The following NDRG1 variants were observed in gnomAD, a reference collection of about 807,000 sequenced individuals.
NDRG1 encodes N-myc downstream regulated 1.
NDRG1 carries 32 observed loss-of-function variants against 56.9 expected under a neutral mutation model. That is an observed-to-expected ratio of 0.56 (90% CI 0.42 to 0.76). The LOEUF (loss-of-function observed/expected upper bound fraction) is 0.76. Among genes scored for constraint, NDRG1 ranks in the 30% least tolerant of loss-of-function variants. The probability of loss-of-function intolerance (pLI) is 0.00; values close to 1 mark genes in which losing one functional copy is unlikely to be tolerated. For missense variants in NDRG1, 507 were observed against 545.7 expected, an observed-to-expected ratio of 0.93 and a Z score of 0.71; for synonymous variants, 211 against 204.1, an observed-to-expected ratio of 1.03 and a Z score of -0.29.
chr8:133,258,487 C>A, intron 6 of NDRG1, 61 bp from the exon 7 acceptor site: 1 of 1,546,550 alleles, frequency 6.5e-7, no homozygotes, highest in Non-Finnish European at 8.8e-7. Flanking sequence ...CCTCCAAGGA[C>A]CCACTTAGAA....
At chr8:133,272,571 G>A (rs1209219356) in intron 3 of NDRG1, among the ~76,000 whole-genome samples, 1 of 152,214 alleles carries the variant, frequency 6.6e-6, no homozygotes, top group Non-Finnish European at 1.5e-5. Flanking sequence ...AGGTCAGCCT[G>A]GCAGAGCCTG....
chr8:133,250,355 C>A lies in NDRG1; in HGVS notation c.698+85G>T, dbSNP rs1000847900. 2.5e-6 allele frequency: 3 copies of A among 1,217,786 alleles called. No homozygotes were observed. The Admixed American group carries it at 5.0e-5, about 20-fold the overall frequency. 75.4% of individuals were successfully genotyped at this position (1,217,786 alleles called of 1,614,324 possible). A position where few individuals can be genotyped will look rare whatever the true frequency, so the allele number is the denominator to read the frequency against. On this transcript the variant is annotated intron_variant, in intron 10 of 15. Coordinates refer to ENST00000323851, the MANE Select transcript of NDRG1 (RefSeq NM_006096.4). ...GCCTGCCTCTTCCGCTCATTTTATA[C>A]TCTCCCTCTCATCTGTCCCACATTT...
intron 5 of NDRG1, chr8:133,259,435 T>G: frequency 1.6e-6 from 1 of 614,718 alleles, no homozygotes; most frequent in East Asian, 2.8e-5. Flanking sequence ...CCAGGTCCCA[T>G]GGACACATTC....
intron 1 of NDRG1, among the ~76,000 whole-genome samples, chr8:133,295,978 G>T (rs1215693439): frequency 6.6e-6 from 1 of 152,108 alleles, no homozygotes; most frequent in South Asian, 2.1e-4. Context: ...GAGGCGTGCT[G>T]TTCAGGACCC....
chr8:133,250,335 C>T, intron 10 of NDRG1, 105 bp downstream of exon 10: 2 of 1,061,670 alleles, frequency 1.9e-6, no homozygotes, highest in Middle Eastern at 2.0e-4. Flanking sequence ...TCAGAGCCTG[C>T]CTCTTCCGCT....
chr8:133,297,023 A>G (rs922749388), intron 1 of NDRG1, 111 bp downstream of exon 1: 22 of 155,892 alleles, frequency 1.4e-4, no homozygotes, highest in Admixed American at 1.4e-3. Flanking sequence ...CGGGGCGCTT[A>G]CTCCTGGAGT....
chr8:133,278,805 G>A (rs918687929), intron 3 of NDRG1, among the ~76,000 whole-genome samples: 2 of 152,010 alleles, frequency 1.3e-5, no homozygotes, highest in African/African-American at 4.8e-5. Flanking sequence ...TGGAAGAGGT[G>A]AGGCCCAGAG....
intron 1 of NDRG1, among the ~76,000 whole-genome samples, chr8:133,290,347 C>G (rs1858363063): frequency 6.6e-6 from 1 of 152,142 alleles, no homozygotes; most frequent in African/African-American, 2.4e-5. Flanking sequence ...GCACCAGGAA[C>G]AGTATCTGTG....
chr8:133,280,389 T>C (rs941959183), intron 2 of NDRG1, 122 bp from the exon 3 acceptor site: 1 of 850,394 alleles, frequency 1.2e-6, no homozygotes, highest in Non-Finnish European at 1.9e-6. Flanking sequence ...TTGTGGGGTC[T>C]CCTTAATTCC....
At chr8:133,285,908 T>C (rs1425994449) in intron 1 of NDRG1, among the ~76,000 whole-genome samples, 1 of 152,232 alleles carries the variant, frequency 6.6e-6, no homozygotes, top group East Asian at 1.9e-4. Context: ...GACCCTGGCC[T>C]GTGGGACACC....
intron 3 of NDRG1, among the ~76,000 whole-genome samples, chr8:133,266,737 C>G (rs3779932): frequency 0.31 from 47,580 of 152,084 alleles, 8,764 homozygotes; most frequent in South Asian, 0.6. Flanking sequence ...CTATTGTATG[C>G]CAGGTCCCCT....
rs1256552914 is a variant in NDRG1, at chr8:133,237,185, C to A, written c.*1693G>T. 4.8e-6 allele frequency: 1 copy of A among 207,550 alleles called. No homozygotes were observed. Among genetic ancestry groups the A allele is most frequent in the Non-Finnish European group, 9.8e-6 (1 of 101,712 alleles). The allele number at this position is 207,550 out of a possible 1,614,324, so 12.9% of individuals were successfully genotyped here. ...AAAGACACAAGCCGCTGCAAAGTTA[C>A]AAATTTATTGGTCTGGAAATAAATA... On this transcript the variant is annotated 3_prime_UTR_variant, in exon 16 of 16. Transcript: ENST00000323851.
At chr8:133,260,385 G>A (rs1856603085) in intron 5 of NDRG1, among the ~76,000 whole-genome samples, 1 of 152,192 alleles carries the variant, frequency 6.6e-6, no homozygotes, top group Non-Finnish European at 1.5e-5. Flanking sequence ...CCCTACTCCA[G>A]GAGGAAGAAA....
intron 14 of NDRG1, 124 bp downstream of exon 14, chr8:133,244,231 C>T (rs898221785): frequency 1.6e-6 from 2 of 1,238,546 alleles, no homozygotes; most frequent in Non-Finnish European, 2.3e-6. Context: ...CTTTTCCCAA[C>T]AGTCCACAAA....
intron 9 of NDRG1, among the ~76,000 whole-genome samples, chr8:133,251,834 G>A (rs1586424751): frequency 6.6e-6 from 1 of 152,342 alleles, no homozygotes; most frequent in African/African-American, 2.4e-5. Context: ...TGGATTACAT[G>A]AGCCGGGATG....
intron 4 of NDRG1, among the ~76,000 whole-genome samples, chr8:133,263,157 G>A (rs1289379786): frequency 6.6e-6 from 1 of 152,176 alleles, no homozygotes; most frequent in Non-Finnish European, 1.5e-5. Context: ...ATGAGATAGT[G>A]TAAATCAAAA....
At chr8:133,265,854 G>C (rs1032264196) in intron 3 of NDRG1, among the ~76,000 whole-genome samples, 7 of 152,126 alleles carry the variant, frequency 4.6e-5, no homozygotes, top group South Asian at 2.1e-4. Flanking sequence ...GCCTACCCTG[G>C]GCTTCCGCCC....
intron 14 of NDRG1, 105 bp from the exon 15 acceptor site, chr8:133,242,179 C>A: frequency 8.3e-7 from 1 of 1,198,850 alleles, no homozygotes; most frequent in Non-Finnish European, 1.2e-6. Context: ...GAGTTTGGCT[C>A]AAGACAAAAG....
At chr8:133,259,590 C>T in intron 5 of NDRG1, 2 of 379,496 alleles carry the variant, frequency 5.3e-6, no homozygotes, top group East Asian at 5.8e-5. Context: ...GAAACATGTC[C>T]TCACTGTGTT....
Sources: allele counts gnomAD v4.1 joint callset (sites outside exome capture counted in the v4.1 genomes callset), GRCh38; gene constraint gnomAD v4.1.1; transcripts MANE v1.5; gene names NCBI Gene and HGNC (gene_info 2026-07-23, HGNC 2026-07-21).